Variants in ENTREP2 observed in about 807,000 individuals in gnomAD.
ENTREP2 encodes protein ENTREP2.
At chr15:29,209,010 C>T in the ENTREP2 span, among the ~76,000 whole-genome samples, 5 of 152,240 alleles carry the variant, frequency 3.3e-5, no homozygotes, top group African/African-American at 1.2e-4. Flanking sequence ...ATAGCAGGTG[C>T]CCATGAGGAG....
chr15:29,502,329 CCATT>C, the ENTREP2 span, among the ~76,000 whole-genome samples: 1 of 151,764 alleles, frequency 6.6e-6, no homozygotes, highest in African/African-American at 2.4e-5. Flanking sequence ...AGTGCCAAGA[CCATT>C]CAATAAGGAA....
At chr15:29,499,582 C>T in the ENTREP2 span, among the ~76,000 whole-genome samples, 1 of 151,412 alleles carries the variant, frequency 6.6e-6, no homozygotes, top group Non-Finnish European at 1.5e-5. Context: ...CACTATGTTG[C>T]CCAGGCTGAT....
the ENTREP2 span, chr15:29,269,672 C>T: frequency 6.4e-7 from 1 of 1,559,132 alleles, no homozygotes; most frequent in Non-Finnish European, 8.6e-7. Context: ...GCCTGGCCGC[C>T]AGAGCGGCCC....
chr15:29,330,976 C>A, the ENTREP2 span, among the ~76,000 whole-genome samples: 1 of 152,128 alleles, frequency 6.6e-6, no homozygotes, highest in Non-Finnish European at 1.5e-5. Context: ...TTTTATAAAC[C>A]AACAGCTGCT....
At chr15:29,543,097 C>T in the ENTREP2 span, among the ~76,000 whole-genome samples, 1 of 152,190 alleles carries the variant, frequency 6.6e-6, no homozygotes, top group Non-Finnish European at 1.5e-5. Flanking sequence ...CCCAGACTTG[C>T]TTTTAATGAG....
chr15:29,254,403 T>C, the ENTREP2 span, among the ~76,000 whole-genome samples: 140 of 152,290 alleles, frequency 9.2e-4, 1 homozygote, highest in African/African-American at 3.2e-3. Context: ...CCCACTGATA[T>C]TGGCCACTTT....
At chr15:29,186,125 A>G in the ENTREP2 span, among the ~76,000 whole-genome samples, 4 of 152,172 alleles carry the variant, frequency 2.6e-5, no homozygotes, top group East Asian at 7.8e-4. Flanking sequence ...GAGTGTGAAA[A>G]TGGGTCTACT....
At chr15:29,665,930 T>G in the ENTREP2 span, among the ~76,000 whole-genome samples, 1 of 149,084 alleles carries the variant, frequency 6.7e-6, no homozygotes, top group Non-Finnish European at 1.5e-5. Flanking sequence ...CTTGGCTCAC[T>G]ACAACCTTCG....
At chr15:29,223,675 C>G in the ENTREP2 span, among the ~76,000 whole-genome samples, 1 of 152,138 alleles carries the variant, frequency 6.6e-6, no homozygotes, top group African/African-American at 2.4e-5. Flanking sequence ...ACAATGCGGG[C>G]CCAGTAGAAC....
chr15:29,428,645 CA>C, the ENTREP2 span, among the ~76,000 whole-genome samples: 3 of 152,012 alleles, frequency 2.0e-5, no homozygotes, highest in African/African-American at 7.3e-5. Context: ...CCTCTTAGTA[CA>C]TGCCCAAATT....
the ENTREP2 span, among the ~76,000 whole-genome samples, chr15:29,395,078 C>T: frequency 1.8e-4 from 26 of 147,364 alleles, no homozygotes; most frequent in South Asian, 1.1e-3. Context: ...TTAGTAGAGA[C>T]GGGGTTTCAC....
chr15:29,268,990 G>A, the ENTREP2 span: 1 of 1,614,106 alleles, frequency 6.2e-7, no homozygotes, highest in Admixed American at 1.7e-5. Context: ...GTCGGTGTGG[G>A]GTATCCGCCG....
At chr15:29,248,324 G>A in the ENTREP2 span, among the ~76,000 whole-genome samples, 1 of 151,820 alleles carries the variant, frequency 6.6e-6, no homozygotes, top group Non-Finnish European at 1.5e-5. Flanking sequence ...ATGATTCTAA[G>A]GTAAGATTAC....
chr15:29,172,755 C>T, the ENTREP2 span, among the ~76,000 whole-genome samples: 3 of 152,110 alleles, frequency 2.0e-5, no homozygotes, highest in South Asian at 6.2e-4. Flanking sequence ...TTCTCCCTGG[C>T]GTGTTGACCC....
chr15:29,121,299 G>C, the ENTREP2 span: 1 of 152,308 alleles, frequency 6.6e-6, no homozygotes, highest in Non-Finnish European at 1.5e-5. Context: ...GGCTGCATGA[G>C]GAGAACACCC....
At chr15:29,127,750 G>C in the ENTREP2 span, among the ~76,000 whole-genome samples, 1 of 152,132 alleles carries the variant, frequency 6.6e-6, no homozygotes, top group African/African-American at 2.4e-5. Flanking sequence ...GAGCACCCCT[G>C]TCTATTTCCA....
the ENTREP2 span, among the ~76,000 whole-genome samples, chr15:29,206,948 A>G: frequency 6.6e-6 from 1 of 152,148 alleles, no homozygotes; most frequent in African/African-American, 2.4e-5. Flanking sequence ...GGGACCAATC[A>G]AAACTACCTT....
the ENTREP2 span, among the ~76,000 whole-genome samples, chr15:29,581,156 T>C: frequency 6.6e-6 from 1 of 152,178 alleles, no homozygotes; most frequent in Admixed American, 6.5e-5. Flanking sequence ...AATGATTTAG[T>C]GATGTAAGTG....
At chr15:29,660,273 G>C in the ENTREP2 span, among the ~76,000 whole-genome samples, 1 of 152,126 alleles carries the variant, frequency 6.6e-6, no homozygotes, top group Non-Finnish European at 1.5e-5. Flanking sequence ...TTAAGAGATG[G>C]GACTTTTAAA....
Sources: allele counts gnomAD v4.1 joint callset (sites outside exome capture counted in the v4.1 genomes callset), GRCh38; gene constraint gnomAD v4.1.1; transcripts MANE v1.5; gene names NCBI Gene and HGNC (gene_info 2026-07-23, HGNC 2026-07-21).